Variants in PRKD1 observed in about 807,000 individuals in gnomAD.
PRKD1 encodes the protein protein kinase D1.
In PRKD1, 63 loss-of-function variants were observed where a neutral mutation model predicts 95.9. The observed-to-expected ratio is 0.66, with a 90% CI of 0.54 to 0.81. The LOEUF (loss-of-function observed/expected upper bound fraction) is 0.81. Ranked by LOEUF, PRKD1 falls within the 30% of genes least tolerant of loss-of-function variation. The pLI is 0.00. For missense variants in PRKD1, 1,048 were observed against 1,165.3 expected (o/e 0.90, Z 1.47); for synonymous variants, 425 against 423.1 (o/e 1.00, Z -0.05).
At chr14:29,637,153 G>A (rs45506092) in intron 6 of PRKD1, among the ~76,000 whole-genome samples, 5,018 of 152,170 alleles carry the variant, frequency 0.033, 250 homozygotes, top group African/African-American at 0.11. Context: ...TATTTTAGAA[G>A]CACAGCCCTG....
chr14:29,640,911 A>G (rs1880717972), intron 4 of PRKD1, among the ~76,000 whole-genome samples: 1 of 152,192 alleles, frequency 6.6e-6, no homozygotes, highest in South Asian at 2.1e-4. Flanking sequence ...CCAGTTTGAC[A>G]TTTACTATAC....
At position 29,814,901 on chromosome 14, in the gene PRKD1, A is replaced by G. The variant is rs1295687623; in HGVS notation, c.265-89227T>C. On this transcript the variant is annotated intron_variant, in intron 1 of 17. Coordinates refer to ENST00000331968, the MANE Select transcript of PRKD1 (RefSeq NM_002742.3). ...AAGAGCCAACTTGAACTGTATCACC[A>G]TATACACAGTGTAAAGGATGGTTTA... is the stretch of plus-strand genomic sequence containing the variant. Among the ~76,000 whole-genome samples the G allele has an allele frequency of 5.3e-5, 8 of 152,352 alleles. No homozygotes were observed. The East Asian group carries it at 1.2e-3, about 22-fold the overall frequency.
In PRKD1 at chr14:29,577,404, C is replaced by T. The variant is rs559828373; in HGVS notation, c.2573G>A (p.Arg858His). The change falls in exon 18 of 18, where the codon CGC becomes CAC. Residue 858 changes from arginine (R) to histidine (H), a missense_variant. This residue lies in a region of PRKD1 where 739 missense variants were observed against 861.9 expected (regional missense o/e 0.86). Transcript: ENST00000331968. Reference protein sequence around the residue: ...LRELECKIGERYITHESDDLR... With the variant: ...LRELECKIGEHYITHESDDLR... ...GTCATCACTTTCATGGGTGATGTAG[C>T]GCTCCCCGATTTTGCATTCCAGCTC... 1.5e-5 allele frequency: 24 copies of T among 1,613,762 alleles called. 1 individual carries two copies. The highest frequency in any genetic ancestry group is 4.0e-5 in the African/African-American group (3 of 74,982).
intron 1 of PRKD1, among the ~76,000 whole-genome samples, chr14:29,765,231 C>T (rs1888205122): frequency 1.3e-5 from 2 of 152,150 alleles, no homozygotes; most frequent in African/African-American, 2.4e-5. Flanking sequence ...AAATCCTATA[C>T]AGGATTTACA....
chr14:29,689,086 T>C (rs1469600786), intron 2 of PRKD1, among the ~76,000 whole-genome samples: 1 of 150,522 alleles, frequency 6.6e-6, no homozygotes, highest in Admixed American at 6.6e-5. Context: ...CCAAAAGCAA[T>C]TGCAACAAAA....
intron 2 of PRKD1, among the ~76,000 whole-genome samples, chr14:29,723,636 G>C (rs1886005740): frequency 6.6e-6 from 1 of 151,052 alleles, no homozygotes; most frequent in Non-Finnish European, 1.5e-5. Context: ...ATGGTTATAG[G>C]TAAGCGCAGG....
At chr14:29,726,140 C>G (rs902571448) in intron 1 of PRKD1, among the ~76,000 whole-genome samples, 7 of 152,052 alleles carry the variant, frequency 4.6e-5, no homozygotes, top group African/African-American at 2.4e-5. Flanking sequence ...ATAAGAGATG[C>G]CTCAATAAAT....
chr14:29,927,354 C>A lies in PRKD1; in HGVS notation c.159G>T (p.Leu53=). 6.4e-7 allele frequency: 1 copy of A among 1,566,604 alleles called. No individual in the cohort carries two copies. The highest frequency in any genetic ancestry group is 8.6e-7 in the Non-Finnish European group (1 of 1,158,540). Reference sequence around the variant, plus strand: ...CCGGCTCACGGCTCAGGCCGATCTGCAGATGGAACGAGATGCCCCCGACCG... The same window carrying A: ...CCGGCTCACGGCTCAGGCCGATCTGAAGATGGAACGAGATGCCCCCGACCG... ...AAPVGGISFH[L]QIGLSREPVL... The change falls in exon 1 of 18, where the codon CTG becomes CTT. Residue 53 remains leucine, a synonymous_variant. Transcript: ENST00000331968.
chr14:29,746,779 C>T (rs1594480165), intron 1 of PRKD1, among the ~76,000 whole-genome samples: 2 of 152,086 alleles, frequency 1.3e-5, no homozygotes, highest in East Asian at 3.9e-4. Flanking sequence ...TAAAAGCAGC[C>T]TATTTTGATA....
chr14:29,894,201 G>A (rs1894038468), intron 1 of PRKD1, among the ~76,000 whole-genome samples: 1 of 152,206 alleles, frequency 6.6e-6, no homozygotes, highest in African/African-American at 2.4e-5. Flanking sequence ...GGAATAATGA[G>A]AGTATACACC....
At chr14:29,707,102 A>G (rs150322302) in intron 2 of PRKD1, among the ~76,000 whole-genome samples, 153 of 152,336 alleles carry the variant, frequency 1.0e-3, no homozygotes, top group African/African-American at 3.5e-3. Flanking sequence ...ACAGGAAGCC[A>G]TATTGCTGAA....
At chr14:29,757,230 C>T (rs192270256) in intron 1 of PRKD1, among the ~76,000 whole-genome samples, 1 of 152,282 alleles carries the variant, frequency 6.6e-6, no homozygotes, top group Admixed American at 6.5e-5. Flanking sequence ...AACACAGTGC[C>T]TGGCCATGCA....
At chr14:29,806,920 G>A (rs752418696) in intron 1 of PRKD1, among the ~76,000 whole-genome samples, 3 of 151,928 alleles carry the variant, frequency 2.0e-5, no homozygotes, top group East Asian at 1.9e-4. Flanking sequence ...CCATATTGTC[G>A]CAATATGGCA....
chr14:29,598,715 T>C (rs1179601079), intron 15 of PRKD1, among the ~76,000 whole-genome samples: 1 of 152,164 alleles, frequency 6.6e-6, no homozygotes, highest in African/African-American at 2.4e-5. Context: ...AGAACAACAG[T>C]GAGGTTTAAT....
intron 1 of PRKD1, among the ~76,000 whole-genome samples, chr14:29,856,718 G>A (rs150798897): frequency 7.2e-5 from 11 of 152,252 alleles, no homozygotes; most frequent in African/African-American, 2.2e-4. Flanking sequence ...GGGTCCTGAA[G>A]GCCTGCTGAA....
intron 1 of PRKD1, among the ~76,000 whole-genome samples, chr14:29,812,277 T>C (rs1172004629): frequency 6.6e-6 from 1 of 152,128 alleles, no homozygotes; most frequent in Admixed American, 6.5e-5. Context: ...ACATACAACA[T>C]ACAGGAAATC....
At chr14:29,707,613 C>T (rs1885153511) in intron 2 of PRKD1, among the ~76,000 whole-genome samples, 1 of 152,110 alleles carries the variant, frequency 6.6e-6, no homozygotes, top group South Asian at 2.1e-4. Context: ...GTATCACTCA[C>T]CTCTCCTATC....
At chr14:29,914,290 C>T (rs1001796045) in intron 1 of PRKD1, among the ~76,000 whole-genome samples, 6 of 152,210 alleles carry the variant, frequency 3.9e-5, no homozygotes, top group African/African-American at 7.2e-5. Flanking sequence ...GGAAAGAAAA[C>T]TTCTACTTAG....
In PRKD1 at chr14:29,801,559, T is replaced by A. The variant is rs562159880; in HGVS notation, c.265-75885A>T. On this transcript the variant is annotated intron_variant, in intron 1 of 17. Coordinates refer to ENST00000331968, the MANE Select transcript of PRKD1 (RefSeq NM_002742.3). ...CATTTTTTCTTTCTGAACCTCAATATGCTTATTAAAAAACAAAACAAAACA... is the reference window on the plus strand; with the variant it reads ...CATTTTTTCTTTCTGAACCTCAATAAGCTTATTAAAAAACAAAACAAAACA... Among the ~76,000 whole-genome samples the A allele has an allele frequency of 2.6e-5, 4 of 152,254 alleles. No individual in the cohort carries two copies. The East Asian group carries it at 7.7e-4, about 29-fold the overall frequency.
Sources: allele counts gnomAD v4.1 joint callset (sites outside exome capture counted in the v4.1 genomes callset), GRCh38; gene constraint gnomAD v4.1.1; regional missense constraint gnomAD v4.1.1; transcripts MANE v1.5; gene names NCBI Gene and HGNC (gene_info 2026-07-23, HGNC 2026-07-21).